Variants in GNB4 observed in about 807,000 individuals in gnomAD.
GNB4 encodes the protein guanine nucleotide-binding protein subunit beta-4.
GNB4 carries 28 observed loss-of-function variants against 45.2 expected under a neutral mutation model. The ratio of observed to expected loss-of-function variants is 0.62; its 90% CI spans 0.46 to 0.85. The LOEUF is 0.85. GNB4 is among the 40% of genes least tolerant of loss of function. The pLI is 0.00. For synonymous variants in GNB4, 132 were observed against 143.7 expected (o/e 0.92, Z 0.58); for missense variants, 321 against 425.4 (o/e 0.75, Z 2.16).
Position 179,397,501 on chromosome 3 carries a change from C to T in GNB4, c.*3712G>A, listed in dbSNP as rs1374727364. 6.6e-6 allele frequency: 1 copy of T among 152,350 alleles called. No homozygotes were observed. The highest frequency in any genetic ancestry group is 1.5e-5 in the Non-Finnish European group (1 of 68,030). 9.4% of individuals were successfully genotyped at this position (152,350 alleles called of 1,614,324 possible). On this transcript the variant is annotated 3_prime_UTR_variant, in exon 10 of 10. Transcript: ENST00000232564. ...GACTAGTTTACTACTATCATGCAAT[C>T]GCTGAGGTCATATGAGTCTAAAATG...
chr3:179,487,316 A>G, the GNB4 span, among the ~76,000 whole-genome samples: 1 of 152,328 alleles, frequency 6.6e-6, no homozygotes, highest in Admixed American at 6.5e-5. Context: ...TGTTAGAGAA[A>G]TCTTCTTCAA....
intron 1 of GNB4, among the ~76,000 whole-genome samples, chr3:179,434,787 G>A (rs1393646517): frequency 1.3e-5 from 2 of 151,550 alleles, no homozygotes; most frequent in African/African-American, 4.9e-5. Flanking sequence ...AGTGGTGGAC[G>A]CCTATAGTTC....
the GNB4 span, among the ~76,000 whole-genome samples, chr3:179,517,774 G>A: frequency 2.0e-5 from 3 of 152,056 alleles, no homozygotes; most frequent in Admixed American, 6.6e-5. Flanking sequence ...AAGGAGACAC[G>A]TTTTATCCGT....
chr3:179,464,977 G>T, the GNB4 span: 2 of 1,540,772 alleles, frequency 1.3e-6, no homozygotes, highest in Admixed American at 3.4e-5. Context: ...CCATTGCAAT[G>T]TTACTGCACA....
At chr3:179,520,996 T>C in the GNB4 span, among the ~76,000 whole-genome samples, 2 of 152,182 alleles carry the variant, frequency 1.3e-5, no homozygotes, top group African/African-American at 4.8e-5. Flanking sequence ...CCATCTGCTA[T>C]TCTACTACCC....
the GNB4 span, among the ~76,000 whole-genome samples, chr3:179,480,841 A>ATTTTT: frequency 2.2e-5 from 3 of 136,646 alleles, no homozygotes; most frequent in African/African-American, 2.7e-5. Flanking sequence ...AACTGATTTC[A>ATTTTT]TTTTTTTTTT....
At chr3:179,408,266 A>G (rs1392788093) in intron 8 of GNB4, among the ~76,000 whole-genome samples, 1 of 152,220 alleles carries the variant, frequency 6.6e-6, no homozygotes, top group Non-Finnish European at 1.5e-5. Flanking sequence ...GACAAGGACA[A>G]CAACGTCTGG....
At chr3:179,454,617 T>C (rs553477817), upstream of GNB4, among the ~76,000 whole-genome samples, 15 of 152,296 alleles carry the variant, frequency 9.8e-5, 1 homozygote, top group South Asian at 2.9e-3. Context: ...TATATCCTGC[T>C]TTTAAGTTTT....
chr3:179,413,889 TGTTTGTCA>T, intron 6 of GNB4, 108 bp from the exon 7 acceptor site: 1 of 807,474 alleles, frequency 1.2e-6, no homozygotes, highest in Non-Finnish European at 2.0e-6. Flanking sequence ...GGGCAACAAG[TGTTTGTCA>T]ATATAGTCTA....
Position 179,413,621 on chromosome 3 carries a change from TA to T in GNB4, c.498-9del, listed in dbSNP as rs1247876350. 6.2e-7 allele frequency: 1 copy of T among 1,613,962 alleles called. No individual in the cohort carries two copies. Among genetic ancestry groups the T allele is most frequent in the South Asian group, 1.1e-5 (1 of 91,078 alleles). On this transcript the variant is annotated splice_polypyrimidine_tract_variant and intron_variant, in intron 7 of 9. Transcript: ENST00000232564. ...TCGATGTCCCATAAAGCACTGTAAT[TA>T]AAAACAAAATTTCATGACAATTACT...
At chr3:179,518,438 C>T in the GNB4 span, among the ~76,000 whole-genome samples, 1 of 151,966 alleles carries the variant, frequency 6.6e-6, no homozygotes, top group East Asian at 1.9e-4. Flanking sequence ...CAGCCCCAAC[C>T]ACAAGTGTCG....
At chr3:179,453,688 A>G (rs1715937171), upstream of GNB4, among the ~76,000 whole-genome samples, 1 of 152,210 alleles carries the variant, frequency 6.6e-6, no homozygotes, top group Non-Finnish European at 1.5e-5. Context: ...AGTTTAAAAG[A>G]ATGATATCGT....
the GNB4 span, among the ~76,000 whole-genome samples, chr3:179,506,584 A>G: frequency 2.2e-4 from 33 of 152,350 alleles, 2 homozygotes; most frequent in African/African-American, 7.7e-4. Flanking sequence ...GGATGGCACA[A>G]GAGGCTTTAT....
intron 4 of GNB4, among the ~76,000 whole-genome samples, chr3:179,418,154 TCAA>T (rs1287313477): frequency 6.6e-6 from 1 of 152,164 alleles, no homozygotes; most frequent in African/African-American, 2.4e-5. Flanking sequence ...ATTTTTATCT[TCAA>T]CTCCTTTAAG....
At chr3:179,435,767 G>C (rs905722338) in intron 1 of GNB4, among the ~76,000 whole-genome samples, 1 of 152,150 alleles carries the variant, frequency 6.6e-6, no homozygotes, top group Admixed American at 6.5e-5. Flanking sequence ...GCAGAAAGCA[G>C]CATATGAGTT....
the GNB4 span, among the ~76,000 whole-genome samples, chr3:179,525,219 G>T: frequency 6.6e-6 from 1 of 152,126 alleles, no homozygotes; most frequent in Non-Finnish European, 1.5e-5. Flanking sequence ...ATTCATCCAG[G>T]TCTTGTAAAA....
chr3:179,470,543 A>AAT, the GNB4 span, among the ~76,000 whole-genome samples: 18 of 150,064 alleles, frequency 1.2e-4, no homozygotes, highest in South Asian at 8.3e-4. Context: ...TAAAGAAAAA[A>AAT]ATATATATAT....
At chr3:179,421,020 T>G (rs1714965846) in intron 2 of GNB4, 93 bp from the exon 3 acceptor site, 1 of 759,666 alleles carries the variant, frequency 1.3e-6, no homozygotes, top group Admixed American at 2.3e-5. Context: ...GTGAATTTAC[T>G]TCTCACTGTA....
chr3:179,427,629 A>C (rs1715185183), intron 1 of GNB4, among the ~76,000 whole-genome samples: 2 of 138,860 alleles, frequency 1.4e-5, no homozygotes, highest in Admixed American at 7.2e-5. Flanking sequence ...AAAAAAAAAG[A>C]TGTAAAGTTC....
Sources: allele counts gnomAD v4.1 joint callset (sites outside exome capture counted in the v4.1 genomes callset), GRCh38; gene constraint gnomAD v4.1.1; transcripts MANE v1.5; gene names NCBI Gene and HGNC (gene_info 2026-07-23, HGNC 2026-07-21).